GARRE1: variants seen among roughly 807,000 people sequenced by gnomAD.
GARRE1 encodes the protein granule associated Rac and RHOG effector 1, also known as granule associated Rac and RHOG effector protein 1.
Under a neutral mutation model 103.2 loss-of-function variants are expected in GARRE1, and 49 were observed. The observed-to-expected ratio is 0.47, with a 90% confidence interval of 0.38 to 0.60. GARRE1 has a LOEUF of 0.60. Ranked by LOEUF, GARRE1 falls within the 20% of genes least tolerant of loss-of-function variation. GARRE1 has a pLI of 0.00. For missense variants in GARRE1, 1,199 were observed against 1,370.5 expected (o/e 0.87, Z 1.98); for synonymous variants, 505 against 532.8 (o/e 0.95, Z 0.72).
rs775266659 is a variant in GARRE1, at chr19:34,327,581, C to CA, written c.846+21dup. 2 of 1,611,618 alleles carry CA rather than the reference C, an allele frequency of 1.2e-6. No individual in the cohort carries two copies. Among genetic ancestry groups the CA allele is most frequent in the African/African-American group, 2.7e-5 (2 of 74,882 alleles). On this transcript the variant is annotated intron_variant, in intron 4 of 13. Transcript: ENST00000299505. Reference sequence around the variant, plus strand: ...TTGCAAGTAAGTTTTTCAGAACTGACATACTGATTTCCACGGGATAGAAAC... The same window carrying CA: ...TTGCAAGTAAGTTTTTCAGAACTGACAATACTGATTTCCACGGGATAGAAAC...
intron 1 of GARRE1, among the ~76,000 whole-genome samples, chr19:34,275,110 A>C (rs538619770): frequency 6.6e-6 from 1 of 152,106 alleles, no homozygotes; most frequent in East Asian, 1.9e-4. Flanking sequence ...CCACATTATC[A>C]AGGGTAGATA....
Position 34,325,704 on chromosome 19 carries a change from C to T in GARRE1, c.706-1717C>T, listed in dbSNP as rs2074108396. ...ATTTCCTTAGGGTAGCATGTGGACC[C>T]CTCAGCACGACCTGCCTAGACCTGC... On this transcript the variant is annotated intron_variant, in intron 3 of 13. Transcript: ENST00000299505. 1.3e-5 allele frequency among the ~76,000 whole-genome samples: 2 copies of T among 152,174 alleles called. 1 individual carries two copies. Among genetic ancestry groups the T allele is most frequent in the African/African-American group, 4.8e-5 (2 of 41,420 alleles).
At chr19:34,332,141 C>T (rs28412686) in intron 7 of GARRE1, among the ~76,000 whole-genome samples, 19,031 of 152,016 alleles carry the variant, frequency 0.13, 1,470 homozygotes, top group African/African-American at 0.21. Context: ...TTGTTTCAAG[C>T]GGGTTAGGGC....
chr19:34,254,821 T>A (rs1158173534), intron 1 of GARRE1, among the ~76,000 whole-genome samples: 2 of 148,960 alleles, frequency 1.3e-5, no homozygotes, highest in African/African-American at 4.9e-5. Flanking sequence ...TTGCGGGCGC[T>A]GGCCGGCCGA....
chr19:34,338,742 G>A (rs2074172044), intron 8 of GARRE1, among the ~76,000 whole-genome samples: 1 of 152,202 alleles, frequency 6.6e-6, no homozygotes, highest in South Asian at 2.1e-4. Flanking sequence ...GAGGGGCTGG[G>A]CACAGAGGGC....
chr19:34,322,579 A>G (rs2145262662), intron 3 of GARRE1, among the ~76,000 whole-genome samples: 1 of 152,280 alleles, frequency 6.6e-6, no homozygotes, highest in East Asian at 1.9e-4. Flanking sequence ...TCCATTTTAC[A>G]GAGTAAAAGA....
At chr19:34,311,298 G>A (rs933728113) in intron 2 of GARRE1, among the ~76,000 whole-genome samples, 3 of 152,182 alleles carry the variant, frequency 2.0e-5, no homozygotes, top group Non-Finnish European at 4.4e-5. Context: ...GCTGGGAGTG[G>A]TCACTTGAAT....
At chr19:34,336,159 T>A (rs1039895306) in intron 8 of GARRE1, among the ~76,000 whole-genome samples, 35 of 151,668 alleles carry the variant, frequency 2.3e-4, no homozygotes, top group Non-Finnish European at 1.9e-4. Flanking sequence ...CCTGGCTAAT[T>A]TTTAAGTTTT....
intron 1 of GARRE1, among the ~76,000 whole-genome samples, chr19:34,269,360 G>T (rs948595582): frequency 9.2e-5 from 14 of 152,156 alleles, no homozygotes; most frequent in Non-Finnish European, 1.6e-4. Context: ...ACCCGTGTTG[G>T]GGGTGGGGAT....
At chr19:34,297,407 AAG>A (rs1451382974) in intron 1 of GARRE1, among the ~76,000 whole-genome samples, 2 of 152,216 alleles carry the variant, frequency 1.3e-5, no homozygotes, top group African/African-American at 2.4e-5. Flanking sequence ...TAAAGTGAAA[AAG>A]AGTTTAATGT....
chr19:34,339,563 A>G (rs1381295812), intron 8 of GARRE1, among the ~76,000 whole-genome samples: 2 of 152,216 alleles, frequency 1.3e-5, no homozygotes, highest in Admixed American at 1.3e-4. Context: ...TCATCTTATT[A>G]GAACAAAAGA....
At chr19:34,329,720 TA>T (rs1380513169) in intron 6 of GARRE1, among the ~76,000 whole-genome samples, 2 of 151,842 alleles carry the variant, frequency 1.3e-5, no homozygotes, top group African/African-American at 2.4e-5. Flanking sequence ...CCTATAATCC[TA>T]GCTACTCAGG....
intron 2 of GARRE1, among the ~76,000 whole-genome samples, chr19:34,307,796 A>ATATATATACTAT (rs1355802434): frequency 9.5e-4 from 103 of 107,948 alleles, no homozygotes; most frequent in Non-Finnish European, 1.4e-3. Context: ...ATACTATAAA[A>ATATATATACTAT]AAAAAATATA....
chr19:34,259,653 G>T (rs1019130942), intron 1 of GARRE1, among the ~76,000 whole-genome samples: 1 of 149,868 alleles, frequency 6.7e-6, no homozygotes, highest in Non-Finnish European at 1.5e-5. Flanking sequence ...AAATGATGAA[G>T]TTTTTTTTGT....
Position 34,323,018 on chromosome 19 carries a change from CTTTTCTTTTTTT to C in GARRE1, c.705+2907_705+2918del, listed in dbSNP as rs2074096284. On this transcript the variant is annotated intron_variant, in intron 3 of 13. Coordinates refer to ENST00000299505, the MANE Select transcript of GARRE1 (RefSeq NM_014686.5). ...CCATAATTAACTTGGCAAAGTATTTCTTTTCTTTTTTTTTTTTTTTTTTTTTTTTTTTGAGGT... is the reference window on the plus strand; with the variant it reads ...CCATAATTAACTTGGCAAAGTATTTCTTTTTTTTTTTTTTTTTTTTGAGGT... 6.3e-5 allele frequency among the ~76,000 whole-genome samples: 6 copies of C among 94,874 alleles called. No homozygotes were observed. In the Admixed American group the frequency reaches 6.4e-4, roughly 10 times the overall value. 62.2% of individuals were successfully genotyped at this position (94,874 alleles called of 152,430 possible).
Position 34,354,691 on chromosome 19 carries a change from A to T in GARRE1, c.*1736A>T, listed in dbSNP as rs1044447838. 12 of 151,972 alleles carry T rather than the reference A, an allele frequency of 7.9e-5. No homozygotes were observed. The highest frequency in any genetic ancestry group is 1.6e-4 in the Non-Finnish European group (11 of 67,912). The allele number at this position is 151,972 out of a possible 1,614,324, so 9.4% of individuals were successfully genotyped here. On this transcript the variant is annotated 3_prime_UTR_variant, in exon 14 of 14. Transcript: ENST00000299505. ...CGTCTCAACAAGAAAAAAAAAAAAG[A>T]ATATATATATATGTATGTATGTATG...
intron 2 of GARRE1, among the ~76,000 whole-genome samples, chr19:34,301,410 A>T (rs545368437): frequency 6.6e-6 from 1 of 151,644 alleles, no homozygotes; most frequent in Non-Finnish European, 1.5e-5. Context: ...AGAAGCCCAG[A>T]AGCTGAGGTG....
intron 1 of GARRE1, among the ~76,000 whole-genome samples, chr19:34,277,901 A>ACCCCCCCCCCCC (rs57721089): frequency 1.1e-5 from 1 of 93,746 alleles, no homozygotes; most frequent in Non-Finnish European, 2.2e-5. Flanking sequence ...GCTTGATTTC[A>ACCCCCCCCCCCC]CCCCCCCCCC....
At chr19:34,325,428 C>G (rs947312361) in intron 3 of GARRE1, among the ~76,000 whole-genome samples, 6 of 152,176 alleles carry the variant, frequency 3.9e-5, no homozygotes. Context: ...TAGACCCTCT[C>G]TATGCTAGTG....
Sources: allele counts gnomAD v4.1 joint callset (sites outside exome capture counted in the v4.1 genomes callset), GRCh38; gene constraint gnomAD v4.1.1; transcripts MANE v1.5; gene names NCBI Gene and HGNC (gene_info 2026-07-23, HGNC 2026-07-21).